The following CWC27 variants were observed in gnomAD, a reference collection of about 807,000 sequenced individuals.
CWC27 encodes the protein CWC27 spliceosome associated cyclophilin.
A neutral mutation model predicts 63.6 loss-of-function variants in CWC27; 47 were observed. The ratio of observed to expected loss-of-function variants is 0.74; its 90% CI spans 0.58 to 0.94. CWC27 has a LOEUF of 0.94. Among genes scored for constraint, CWC27 ranks in the 40% least tolerant of loss-of-function variants. The pLI is 0.00. For missense variants in CWC27, 495 were observed against 554.3 expected (o/e 0.89, Z 1.07); for synonymous variants, 175 against 179.8 (o/e 0.97, Z 0.22).
intron 10 of CWC27, among the ~76,000 whole-genome samples, chr5:64,859,900 T>G (rs1459082026): frequency 6.6e-6 from 1 of 152,224 alleles, no homozygotes; most frequent in Admixed American, 6.5e-5. Context: ...ATTGCTCTTT[T>G]GAAATAGTAG....
chr5:64,868,912 C>T (rs1746599435), intron 10 of CWC27, among the ~76,000 whole-genome samples: 1 of 151,930 alleles, frequency 6.6e-6, no homozygotes, highest in Non-Finnish European at 1.5e-5. Context: ...GTCAAATTTC[C>T]ACACCATTGC....
chr5:64,992,329 T>C lies in CWC27; in HGVS notation c.1256+15091T>C, dbSNP rs542505530. Among the ~76,000 whole-genome samples, 6 of 152,318 alleles carry C rather than the reference T, an allele frequency of 3.9e-5. No individual in the cohort carries two copies. In the East Asian group the frequency reaches 7.7e-4, roughly 20 times the overall value. ...CCTATGGCAATAAATGGTGAGATTGTTTGTCACACCAGTGAGCCTATGCTG... is the reference window on the plus strand; with the variant it reads ...CCTATGGCAATAAATGGTGAGATTGCTTGTCACACCAGTGAGCCTATGCTG... On this transcript the variant is annotated intron_variant, in intron 13 of 13. Coordinates refer to ENST00000381070, the MANE Select transcript of CWC27 (RefSeq NM_005869.4).
chr5:64,940,503 A>T (rs1748452227), intron 11 of CWC27, among the ~76,000 whole-genome samples: 1 of 151,960 alleles, frequency 6.6e-6, no homozygotes, highest in South Asian at 2.1e-4. Context: ...TGCAGAAATC[A>T]CCCGCCTTCT....
At chr5:64,843,124 T>C (rs1745887557) in intron 10 of CWC27, among the ~76,000 whole-genome samples, 1 of 152,244 alleles carries the variant, frequency 6.6e-6, no homozygotes, top group Non-Finnish European at 1.5e-5. Flanking sequence ...AAAGCCTCAG[T>C]CCACTGGTTG....
At chr5:64,882,958 CA>C (rs1746981529) in intron 10 of CWC27, among the ~76,000 whole-genome samples, 1 of 152,162 alleles carries the variant, frequency 6.6e-6, no homozygotes. Context: ...AGTCTGTTCT[CA>C]TGCTGCTAAT....
Position 64,769,111 on chromosome 5 carries a change from C to A in CWC27, c.-36C>A. ...TTAGTGGCCGGCCGGCCGCTCTCAT[C>A]CCCCGTAAGGAGCAGAGTCCTTTGT... is the stretch of plus-strand genomic sequence containing the variant. On this transcript the variant is annotated 5_prime_UTR_variant, in exon 1 of 14. Transcript: ENST00000381070. The A allele has an allele frequency of 6.2e-7, 1 of 1,605,322 alleles. No individual in the cohort carries two copies. The highest frequency in any genetic ancestry group is 1.1e-5 in the South Asian group (1 of 90,824).
chr5:64,849,318 A>G (rs2112294292), intron 10 of CWC27, among the ~76,000 whole-genome samples: 1 of 152,328 alleles, frequency 6.6e-6, no homozygotes, highest in Admixed American at 6.5e-5. Context: ...AAGAAATTAA[A>G]GAAGACAAAG....
chr5:64,992,572 C>G (rs1056691790), intron 13 of CWC27, among the ~76,000 whole-genome samples: 1 of 151,650 alleles, frequency 6.6e-6, no homozygotes, highest in Non-Finnish European at 1.5e-5. Context: ...CGCTCTGTTG[C>G]CCAGGCTGCA....
chr5:64,864,764 T>A (rs563491766), intron 10 of CWC27, among the ~76,000 whole-genome samples: 55 of 152,272 alleles, frequency 3.6e-4, no homozygotes, highest in African/African-American at 1.3e-3. Flanking sequence ...TAGAAAAATT[T>A]TAAGTGACAA....
At chr5:64,968,125 C>T (rs991071086) in intron 11 of CWC27, among the ~76,000 whole-genome samples, 10 of 151,826 alleles carry the variant, frequency 6.6e-5, no homozygotes, top group African/African-American at 2.4e-4. Flanking sequence ...AAATGGCCAA[C>T]AAGCACATAA....
At chr5:64,894,601 G>A (rs1377644588) in intron 11 of CWC27, among the ~76,000 whole-genome samples, 1 of 152,078 alleles carries the variant, frequency 6.6e-6, no homozygotes, top group Non-Finnish European at 1.5e-5. Context: ...TGTCACTATG[G>A]CAGCCTAGGA....
intron 1 of CWC27, among the ~76,000 whole-genome samples, chr5:64,772,869 A>G (rs915380449): frequency 4.6e-5 from 7 of 151,394 alleles, no homozygotes; most frequent in African/African-American, 1.7e-4. Context: ...CCCGGGAAGC[A>G]GAGGTTGCAG....
chr5:64,862,489 T>C (rs752286391), intron 10 of CWC27, among the ~76,000 whole-genome samples: 6 of 152,162 alleles, frequency 3.9e-5, no homozygotes, highest in African/African-American at 7.2e-5. Context: ...ACAGAAGTCA[T>C]GTTTTACCAC....
intron 11 of CWC27, among the ~76,000 whole-genome samples, chr5:64,893,482 C>T (rs1747291368): frequency 6.6e-6 from 1 of 152,160 alleles, no homozygotes; most frequent in Non-Finnish European, 1.5e-5. Flanking sequence ...AATGCAATAG[C>T]TGATAGTTTT....
intron 4 of CWC27, 21 bp from the exon 5 acceptor site, chr5:64,785,460 A>G (rs1278871888): frequency 2.5e-6 from 3 of 1,177,070 alleles, no homozygotes; most frequent in African/African-American, 3.2e-5. Context: ...TTTCAATTAC[A>G]TTATATTTTT....
intron 11 of CWC27, among the ~76,000 whole-genome samples, chr5:64,954,002 T>C (rs529805492): frequency 3.9e-5 from 6 of 152,336 alleles, no homozygotes; most frequent in Non-Finnish European, 5.9e-5. Context: ...TCCTTTCCTT[T>C]TTTTTTAAAA....
At chr5:64,856,862 G>A (rs552504410) in intron 10 of CWC27, among the ~76,000 whole-genome samples, 11 of 151,918 alleles carry the variant, frequency 7.2e-5, no homozygotes, top group South Asian at 2.1e-4. Context: ...TTACTATTTC[G>A]GTAAATGATC....
chr5:64,838,131 A>C (rs1054306691), intron 10 of CWC27, among the ~76,000 whole-genome samples: 1 of 152,184 alleles, frequency 6.6e-6, no homozygotes, highest in African/African-American at 2.4e-5. Flanking sequence ...GATTGCTTTT[A>C]CTATCTTAGT....
chr5:64,822,912 T>C (rs1190965609), intron 10 of CWC27, among the ~76,000 whole-genome samples: 1 of 152,204 alleles, frequency 6.6e-6, no homozygotes, highest in Admixed American at 6.5e-5. Context: ...AATGGTTTAG[T>C]GAGAAGAATG....
Sources: gnomAD v4.1 joint callset for allele counts (sites outside exome capture counted in the v4.1 genomes callset) on GRCh38, gnomAD v4.1.1 for gene constraint, MANE v1.5 for transcripts, NCBI Gene and HGNC (gene_info 2026-07-23, HGNC 2026-07-21) for gene names.